DNAJC10: variants seen among roughly 807,000 people sequenced by gnomAD.
The protein encoded by DNAJC10 is DnaJ heat shock protein family (Hsp40) member C10.
A neutral mutation model predicts 115.0 loss-of-function variants in DNAJC10; 101 were observed. The ratio of observed to expected loss-of-function variants is 0.88; its 90% CI spans 0.75 to 1.04. The LOEUF is 1.04. DNAJC10 is among the 50% of genes least tolerant of loss of function. The pLI, the probability that DNAJC10 is intolerant of heterozygous loss-of-function variation, is 0.00. For synonymous variants in DNAJC10, 307 were observed against 301.5 expected (o/e 1.02, Z -0.19); for missense variants, 981 against 928.8 (o/e 1.06, Z -0.73).
chr2:182,721,509 C>G (rs910044312), intron 4 of DNAJC10, among the ~76,000 whole-genome samples: 1 of 152,116 alleles, frequency 6.6e-6, no homozygotes, highest in Admixed American at 6.5e-5. Context: ...TGCAAATACT[C>G]TAAGCTTTTT....
intron 8 of DNAJC10, among the ~76,000 whole-genome samples, chr2:182,730,181 T>G (rs942767040): frequency 6.6e-6 from 1 of 152,158 alleles, no homozygotes; most frequent in Non-Finnish European, 1.5e-5. Flanking sequence ...AGGGCTACGG[T>G]AAAAAAGGCA....
chr2:182,762,350 AC>A (rs1393477275), intron 21 of DNAJC10, among the ~76,000 whole-genome samples: 1 of 151,982 alleles, frequency 6.6e-6, no homozygotes, highest in African/African-American at 2.4e-5. Context: ...ACCACAGCAC[AC>A]CCCCAGTGAA....
chr2:182,758,928 T>A (rs760033361), intron 20 of DNAJC10, 38 bp downstream of exon 20: 2 of 1,448,452 alleles, frequency 1.4e-6, no homozygotes, highest in Non-Finnish European at 1.9e-6. Context: ...ATAAAATAGA[T>A]TCAAAGCCAT....
At chr2:182,743,829 C>T in intron 14 of DNAJC10, 117 bp downstream of exon 14, 2 of 681,314 alleles carry the variant, frequency 2.9e-6, no homozygotes, top group East Asian at 5.5e-5. Flanking sequence ...TAACTTTTCT[C>T]AGTAAATATG....
In DNAJC10 at chr2:182,752,145, T is replaced by G. The variant is rs1173459468; in HGVS notation, c.1508T>G (p.Phe503Cys). Residue 503 changes from phenylalanine to cysteine, a missense_variant, in exon 16 of 24, where the codon TTT becomes TGT. Phe to Cys is a radical substitution (Grantham distance 205). Coordinates refer to ENST00000264065, the MANE Select transcript of DNAJC10 (RefSeq NM_018981.4). ...ASNLLYGQLK[F>C]GTLDCTVHEG... The stretch of plus-strand genomic sequence containing the variant: ...AATCTTCTTTATGGTCAGCTTAAGT[T>G]TGGTACACTAGATTGTACAGTTCAT... 1 of 1,613,618 alleles carries G rather than the reference T, an allele frequency of 6.2e-7. No individual in the cohort carries two copies. The highest frequency in any genetic ancestry group is 1.3e-5 in the African/African-American group (1 of 75,038).
chr2:182,729,829 T>G lies in DNAJC10; in HGVS notation c.634-19T>G. 1.3e-6 allele frequency: 2 copies of G among 1,521,014 alleles called. No homozygotes were observed. The allele number at this position is 1,521,014 out of a possible 1,614,324, so 94.2% of individuals were successfully genotyped here. ...AAAGAAAAAGTAAAAGATGTTTCTC[T>G]TCTTACAAAAACCAATAGGCCCCAG... is the stretch of plus-strand genomic sequence containing the variant. On this transcript the variant is annotated intron_variant, in intron 7 of 23. Coordinates refer to ENST00000264065, the MANE Select transcript of DNAJC10 (RefSeq NM_018981.4).
Position 182,785,840 on chromosome 2 carries a change from T to G in DNAJC10, c.*8708T>G, listed in dbSNP as rs1228506722. On this transcript the variant is annotated 3_prime_UTR_variant, in exon 24 of 24. Coordinates refer to ENST00000264065, the MANE Select transcript of DNAJC10 (RefSeq NM_018981.4). ...TATGAAACAGTTGGGGAAATCAGAA[T>G]ATTTGAATTTGATATTAACTAAGAA... 6.6e-6 allele frequency: 1 copy of G among 152,188 alleles called. No homozygotes were observed. The highest frequency in any genetic ancestry group is 1.5e-5 in the Non-Finnish European group (1 of 68,026). 9.4% of individuals were successfully genotyped at this position (152,188 alleles called of 1,614,324 possible). A position where few individuals can be genotyped will look rare whatever the true frequency, so the allele number is the denominator to read the frequency against.
chr2:182,786,164 A>G lies in DNAJC10; in HGVS notation c.*9032A>G, dbSNP rs1024345893. 5 of 152,198 alleles carry G rather than the reference A, an allele frequency of 3.3e-5. No homozygotes were observed. Among genetic ancestry groups the G allele is most frequent in the Non-Finnish European group, 5.9e-5 (4 of 68,028 alleles). The allele number at this position is 152,198 out of a possible 1,614,324, so 9.4% of individuals were successfully genotyped here. On this transcript the variant is annotated 3_prime_UTR_variant, in exon 24 of 24. Coordinates refer to ENST00000264065, the MANE Select transcript of DNAJC10 (RefSeq NM_018981.4). ...GCAAAATATTGTTTTTACAACTAAGATAACATTGAAATTTATACAGAACCC... is the reference window on the plus strand; with the variant it reads ...GCAAAATATTGTTTTTACAACTAAGGTAACATTGAAATTTATACAGAACCC...
chr2:182,785,227 G>T lies in DNAJC10; in HGVS notation c.*8095G>T, dbSNP rs1694925240. ...AGCAGATTCCCATTCATGAAGAATGGTGCCTGTGTAACAGTATAAATGGAT... is the reference window on the plus strand; with the variant it reads ...AGCAGATTCCCATTCATGAAGAATGTTGCCTGTGTAACAGTATAAATGGAT... On this transcript the variant is annotated 3_prime_UTR_variant, in exon 24 of 24. Transcript: ENST00000264065. 6.6e-6 allele frequency: 1 copy of T among 152,070 alleles called. No homozygotes were observed. The highest frequency in any genetic ancestry group is 6.6e-5 in the Admixed American group (1 of 15,244). 9.4% of individuals were successfully genotyped at this position (152,070 alleles called of 1,614,324 possible). A position where few individuals can be genotyped will look rare whatever the true frequency, so the allele number is the denominator to read the frequency against.
At chr2:182,769,542 A>G (rs535345126) in intron 22 of DNAJC10, among the ~76,000 whole-genome samples, 75 of 152,076 alleles carry the variant, frequency 4.9e-4, no homozygotes, top group Non-Finnish European at 9.3e-4. Flanking sequence ...ATGGTATCTC[A>G]TTGTGGTTTT....
intron 14 of DNAJC10, among the ~76,000 whole-genome samples, chr2:182,751,093 C>T (rs1348660530): frequency 6.7e-6 from 1 of 149,340 alleles, no homozygotes; most frequent in Non-Finnish European, 1.5e-5. Flanking sequence ...CATTATTCTA[C>T]CTCTGAAGAT....
intron 12 of DNAJC10, 98 bp from the exon 13 acceptor site, chr2:182,741,145 G>T: frequency 2.7e-6 from 2 of 731,534 alleles, no homozygotes; most frequent in East Asian, 2.8e-5. Context: ...TGAAATAATG[G>T]GTAGGGGAGC....
Position 182,783,124 on chromosome 2 carries a change from ATTTTATCGAAGGCC to A in DNAJC10, c.*5997_*6010del, listed in dbSNP as rs1425559134. Reference sequence around the variant, plus strand: ...GTGTTTTTAGCATGAAAGGGTGTTAATTTTATCGAAGGCCTTTTCTGCATCTATTGAGATAATCA... The same window carrying A: ...GTGTTTTTAGCATGAAAGGGTGTTAATTTTCTGCATCTATTGAGATAATCA... On this transcript the variant is annotated 3_prime_UTR_variant, in exon 24 of 24. Transcript: ENST00000264065. 6.6e-6 allele frequency: 1 copy of A among 152,146 alleles called. No individual in the cohort carries two copies. The allele number at this position is 152,146 out of a possible 1,614,324, so 9.4% of individuals were successfully genotyped here. A position where few individuals can be genotyped will look rare whatever the true frequency, so the allele number is the denominator to read the frequency against.
chr2:182,724,607 C>T (rs951227460), intron 5 of DNAJC10, among the ~76,000 whole-genome samples: 4 of 152,008 alleles, frequency 2.6e-5, no homozygotes, highest in Admixed American at 2.6e-4. Context: ...ATAAGATAGA[C>T]CTGTGGGGAA....
chr2:182,729,314 A>C (rs1292831934), intron 7 of DNAJC10, among the ~76,000 whole-genome samples: 1 of 151,942 alleles, frequency 6.6e-6, no homozygotes, highest in Admixed American at 6.6e-5. Context: ...ATGTCTGGCT[A>C]ATTTTTGTAT....
At position 182,792,521 on chromosome 2, in the gene DNAJC10, CTCAT is replaced by C. The variant is rs1559036838; in HGVS notation, c.*15391_*15394del. ...ATCTGATAAATGTATTGTTTAACCT[CTCAT>C]TGTTTGAAAGAACACCTCTTTGCTC... On this transcript the variant is annotated 3_prime_UTR_variant, in exon 24 of 24. Transcript: ENST00000264065. 1 of 152,210 alleles carries C rather than the reference CTCAT, an allele frequency of 6.6e-6. No homozygotes were observed. The highest frequency in any genetic ancestry group is 1.5e-5 in the Non-Finnish European group (1 of 68,040). 9.4% of individuals were successfully genotyped at this position (152,210 alleles called of 1,614,324 possible). A position where few individuals can be genotyped will look rare whatever the true frequency, so the allele number is the denominator to read the frequency against.
chr2:182,720,280 C>A, intron 4 of DNAJC10, 111 bp downstream of exon 4: 1 of 868,552 alleles, frequency 1.2e-6, no homozygotes, highest in East Asian at 2.6e-5. Context: ...TTGATTAGCT[C>A]CTTTTAATTT....
chr2:182,757,084 G>A (rs1435857474), intron 18 of DNAJC10, among the ~76,000 whole-genome samples: 3 of 151,336 alleles, frequency 2.0e-5, no homozygotes, highest in Admixed American at 6.6e-5. Flanking sequence ...TTAAAAGTAA[G>A]AAAAAAAAGC....
rs1694870869 is a variant in DNAJC10 at position 182,782,451 on chromosome 2, G to A, written c.*5319G>A. ...ATTTAAAGTAGTTTTTTCCAATTCT[G>A]TGAAGAAAGTCAATGGTAGCTTGAT... On this transcript the variant is annotated 3_prime_UTR_variant, in exon 24 of 24. Transcript: ENST00000264065. 1.3e-5 allele frequency: 2 copies of A among 151,658 alleles called. No homozygotes were observed. Among genetic ancestry groups the A allele is most frequent in the South Asian group, 4.2e-4 (2 of 4,794 alleles). The allele number at this position is 151,658 out of a possible 1,614,324, so 9.4% of individuals were successfully genotyped here. A position where few individuals can be genotyped will look rare whatever the true frequency, so the allele number is the denominator to read the frequency against.
Sources: gnomAD v4.1 joint callset for allele counts (sites outside exome capture counted in the v4.1 genomes callset) on GRCh38, gnomAD v4.1.1 for gene constraint, MANE v1.5 for transcripts, NCBI Gene and HGNC (gene_info 2026-07-23, HGNC 2026-07-21) for gene names.